The following EXOC6B variants were observed in gnomAD, a reference collection of about 807,000 sequenced individuals.
EXOC6B encodes exocyst complex component 6B.
Under a neutral mutation model 113.5 loss-of-function variants are expected in EXOC6B, and 54 were observed. That is an observed-to-expected ratio of 0.48 (90% CI 0.38 to 0.60). The LOEUF is 0.60. Among genes scored for constraint, EXOC6B ranks in the 20% least tolerant of loss-of-function variants. EXOC6B has a pLI of 0.00. For missense variants in EXOC6B, 797 were observed against 977.5 expected (o/e 0.82, Z 2.46); for synonymous variants, 357 against 339.0 (o/e 1.05, Z -0.58).
intron 1 of EXOC6B, among the ~76,000 whole-genome samples, chr2:72,749,211 C>G (rs958042343): frequency 3.9e-5 from 6 of 152,102 alleles, no homozygotes; most frequent in Admixed American, 3.9e-4. Flanking sequence ...CTTATTGACT[C>G]TAACCTAGAA....
At chr2:72,257,985 G>A (rs546754436) in intron 20 of EXOC6B, among the ~76,000 whole-genome samples, 1 of 152,226 alleles carries the variant, frequency 6.6e-6, no homozygotes, top group African/African-American at 2.4e-5. Flanking sequence ...CATTCTCTGG[G>A]AACTTCCATC....
chr2:72,234,125 C>T (rs1194106095), intron 20 of EXOC6B, among the ~76,000 whole-genome samples: 3 of 146,512 alleles, frequency 2.0e-5, no homozygotes, highest in East Asian at 2.0e-4. Context: ...CTTAGGCTGA[C>T]GCCTAGGCTG....
At chr2:72,284,147 T>C (rs1037325174) in intron 20 of EXOC6B, among the ~76,000 whole-genome samples, 1 of 152,126 alleles carries the variant, frequency 6.6e-6, no homozygotes, top group Admixed American at 6.6e-5. Context: ...AGCATTACCC[T>C]AATATCAAGT....
chr2:72,509,199 G>T (rs1248675557), intron 11 of EXOC6B, among the ~76,000 whole-genome samples: 1 of 152,216 alleles, frequency 6.6e-6, no homozygotes, highest in South Asian at 2.1e-4. Flanking sequence ...GAGTGAGAAG[G>T]CAGCCTTCTG....
intron 1 of EXOC6B, among the ~76,000 whole-genome samples, chr2:72,796,864 T>A (rs754645431): frequency 6.6e-5 from 10 of 152,194 alleles, no homozygotes; most frequent in Non-Finnish European, 1.3e-4. Context: ...AGAGGCAGTA[T>A]CACTCCATCC....
rs1368059155 is a variant in EXOC6B, at chr2:72,718,147, T to C, written c.625A>G (p.Ile209Val). 6.2e-7 allele frequency: 1 copy of C among 1,613,562 alleles called. No individual in the cohort carries two copies. The highest frequency in any genetic ancestry group is 1.7e-5 in the Admixed American group (1 of 59,966). ...CCAATTTTGTCTGAATGTTTGCGGA[T>C]GCTCTCCAGAAAGTCTTTGAGATCG... is the stretch of plus-strand genomic sequence containing the variant. ...MSDLKDFLES[I>V]RKHSDKIGET... is the part of the protein sequence containing the mutation. Residue 209 changes from isoleucine to valine, a missense_variant, in exon 6 of 22, where the codon ATC becomes GTC. Ile to Val is a conservative substitution (Grantham distance 29). Transcript: ENST00000272427.
At chr2:72,523,118 A>T (rs1286754968) in intron 8 of EXOC6B, among the ~76,000 whole-genome samples, 1 of 152,234 alleles carries the variant, frequency 6.6e-6, no homozygotes, top group Admixed American at 6.5e-5. Context: ...TTGTTTTTGC[A>T]TATAAAAGTA....
chr2:72,303,891 G>C (rs1486566690), intron 20 of EXOC6B, among the ~76,000 whole-genome samples: 1 of 152,196 alleles, frequency 6.6e-6, no homozygotes, highest in Admixed American at 6.5e-5. Context: ...GAAGTCCCAC[G>C]TTGGGCAGCC....
rs368481640 is a variant in EXOC6B, at chr2:72,730,011, T to C, written c.464+996A>G. On this transcript the variant is annotated intron_variant, in intron 5 of 21. Transcript: ENST00000272427. ...ATTAACATTCCAGGAAGATATGCTT[T>C]GATTATCCTATAGCTTCATATATCC... Among the ~76,000 whole-genome samples the C allele has an allele frequency of 4.6e-5, 7 of 152,232 alleles. No homozygotes were observed. The South Asian group carries it at 1.0e-3, about 22-fold the overall frequency.
At chr2:72,497,409 A>G (rs778713923) in intron 13 of EXOC6B, among the ~76,000 whole-genome samples, 4 of 152,134 alleles carry the variant, frequency 2.6e-5, no homozygotes, top group Non-Finnish European at 5.9e-5. Flanking sequence ...TTTTAAATCG[A>G]TAGGTTCTCT....
intron 6 of EXOC6B, among the ~76,000 whole-genome samples, chr2:72,658,167 A>C (rs1674726594): frequency 6.6e-6 from 1 of 151,134 alleles, no homozygotes; most frequent in Non-Finnish European, 1.5e-5. Context: ...TATGCCCTTG[A>C]TCTTAAAAGG....
chr2:72,390,646 G>T (rs867521641), intron 18 of EXOC6B, among the ~76,000 whole-genome samples: 1 of 152,124 alleles, frequency 6.6e-6, no homozygotes, highest in African/African-American at 2.4e-5. Context: ...TATCTTTTAT[G>T]TAGAGGCCCA....
At chr2:72,232,843 G>A (rs1018132856) in intron 20 of EXOC6B, among the ~76,000 whole-genome samples, 14 of 152,170 alleles carry the variant, frequency 9.2e-5, no homozygotes, top group South Asian at 2.1e-4. Flanking sequence ...AGGCTGAGGC[G>A]GGTGGATCAC....
At chr2:72,208,355 G>A (rs765033457) in intron 20 of EXOC6B, among the ~76,000 whole-genome samples, 22 of 152,018 alleles carry the variant, frequency 1.4e-4, no homozygotes, top group Non-Finnish European at 2.5e-4. Flanking sequence ...TTCTGTTCCT[G>A]CATTAATTTG....
Position 72,176,599 on chromosome 2 carries a change from T to TTC in EXOC6B, c.*2735_*2736insGA, listed in dbSNP as rs1677748235. 6.6e-6 allele frequency: 1 copy of TTC among 152,218 alleles called. No individual in the cohort carries two copies. Among genetic ancestry groups the TTC allele is most frequent in the Non-Finnish European group, 1.5e-5 (1 of 68,036 alleles). The allele number at this position is 152,218 out of a possible 1,614,324, so 9.4% of individuals were successfully genotyped here. A position where few individuals can be genotyped will look rare whatever the true frequency, so the allele number is the denominator to read the frequency against. ...TCACTTCCTGGTTCCCATTTTCAGGTCCTGTTCTTCCCTACCTGCAACAGC... is the reference window on the plus strand; with the variant it reads ...TCACTTCCTGGTTCCCATTTTCAGGTTCCCTGTTCTTCCCTACCTGCAACAGC... On this transcript the variant is annotated 3_prime_UTR_variant, in exon 22 of 22. Coordinates refer to ENST00000272427, the MANE Select transcript of EXOC6B (RefSeq NM_015189.3).
intron 6 of EXOC6B, among the ~76,000 whole-genome samples, chr2:72,683,514 T>C (rs1054918209): frequency 1.3e-5 from 2 of 152,158 alleles, no homozygotes; most frequent in African/African-American, 4.8e-5. Flanking sequence ...CATAGATAAA[T>C]AAATGATTCC....
intron 6 of EXOC6B, among the ~76,000 whole-genome samples, chr2:72,628,847 C>G (rs1672219990): frequency 1.3e-5 from 2 of 152,098 alleles, no homozygotes; most frequent in Non-Finnish European, 2.9e-5. Context: ...CCAGAAATGA[C>G]TAAGGCAGAA....
At chr2:72,545,784 T>C (rs913717909) in intron 8 of EXOC6B, among the ~76,000 whole-genome samples, 4 of 152,190 alleles carry the variant, frequency 2.6e-5, no homozygotes, top group Admixed American at 1.3e-4. Context: ...ATATTAAAAC[T>C]AATGATTTTT....
intron 6 of EXOC6B, among the ~76,000 whole-genome samples, chr2:72,667,297 T>G (rs1442968434): frequency 6.6e-6 from 1 of 152,256 alleles, no homozygotes; most frequent in Non-Finnish European, 1.5e-5. Context: ...ATGGCCATAC[T>G]GTCCAAAGCA....
Sources: allele counts gnomAD v4.1 joint callset (sites outside exome capture counted in the v4.1 genomes callset), GRCh38; gene constraint gnomAD v4.1.1; transcripts MANE v1.5; gene names NCBI Gene and HGNC (gene_info 2026-07-23, HGNC 2026-07-21).